The following GPAM variants were observed in gnomAD, a reference collection of about 807,000 sequenced individuals.
GPAM encodes the protein glycerol-3-phosphate acyltransferase, mitochondrial, also known as glycerol-3-phosphate acyltransferase 1, mitochondrial.
GPAM carries 56 observed loss-of-function variants against 105.0 expected under a neutral mutation model. The ratio of observed to expected loss-of-function variants is 0.53; its 90% CI spans 0.43 to 0.67. GPAM has a LOEUF of 0.67. Ranked by LOEUF, GPAM falls within the 30% of genes least tolerant of loss-of-function variation. The pLI is 0.00. For missense variants in GPAM, 855 were observed against 989.8 expected (o/e 0.86, Z 1.83); for synonymous variants, 368 against 354.4 (o/e 1.04, Z -0.43).
rs1846930056 is a variant in GPAM at position 112,152,093 on chromosome 10, G to A, written c.*1457C>T. 3.1e-6 allele frequency: 3 copies of A among 982,480 alleles called. No homozygotes were observed. Among genetic ancestry groups the A allele is most frequent in the Non-Finnish European group, 3.6e-6 (3 of 827,338 alleles). The allele number at this position is 982,480 out of a possible 1,614,324, so 60.9% of individuals were successfully genotyped here. A position where few individuals can be genotyped will look rare whatever the true frequency, so the allele number is the denominator to read the frequency against. ...ACACATTACTCATGAGATACTATCA[G>A]TGTTTAAAATCCAAGCTTATGGAAG... On this transcript the variant is annotated 3_prime_UTR_variant, in exon 22 of 22. Coordinates refer to ENST00000348367, the MANE Select transcript of GPAM (RefSeq NM_001244949.2).
At chr10:112,160,359 C>T (rs1589580665) in intron 16 of GPAM, 1 of 975,650 alleles carries the variant, frequency 1.0e-6, no homozygotes, top group Non-Finnish European at 1.2e-6. Flanking sequence ...TTTTCAGCTC[C>T]TGGATAGCAA....
intron 20 of GPAM, 95 bp from the exon 21 acceptor site, chr10:112,154,782 G>A: frequency 7.2e-6 from 7 of 978,578 alleles, no homozygotes; most frequent in Non-Finnish European, 1.1e-5. Flanking sequence ...GAGCTAGGAA[G>A]AGAATGAGGG....
Position 112,157,371 on chromosome 10 carries a change from TATCTTCCTGG to T in GPAM, c.1989_1998del (p.Asp663GlufsTer41). On this transcript the variant is annotated frameshift_variant, in exon 19 of 22. Coordinates refer to ENST00000348367, the MANE Select transcript of GPAM (RefSeq NM_001244949.2). LOFTEE classifies it high-confidence loss of function. The stretch of plus-strand genomic sequence containing the variant: ...TGCTGCTCAGCAAGACTAGGACTGA[TATCTTCCTGG>T]TCATCGTGCTAGGCCAAGGAGATGA... 1 of 1,613,870 alleles carries T rather than the reference TATCTTCCTGG, an allele frequency of 6.2e-7. No individual in the cohort carries two copies. The highest frequency in any genetic ancestry group is 8.5e-7 in the Non-Finnish European group (1 of 1,179,722).
intron 1 of GPAM, among the ~76,000 whole-genome samples, chr10:112,199,048 G>A (rs553873773): frequency 3.0e-4 from 46 of 151,464 alleles, no homozygotes; most frequent in South Asian, 2.1e-3. Flanking sequence ...TCAGCCTCCC[G>A]AGTAGCTGGG....
chr10:112,223,486 C>CCTAGTGGAATGA, the GPAM span, among the ~76,000 whole-genome samples: 1 of 152,192 alleles, frequency 6.6e-6, no homozygotes, highest in Non-Finnish European at 1.5e-5. Context: ...ATTTTGAAGT[C>CCTAGTGGAATGA]ACATGTTGCA....
upstream of GPAM, among the ~76,000 whole-genome samples, chr10:112,185,860 GAAAGTA>G (rs1200256280): frequency 6.6e-6 from 1 of 151,830 alleles, no homozygotes; most frequent in Non-Finnish European, 1.5e-5. Flanking sequence ...GAAAAATACT[GAAAGTA>G]AAAGTAGAGT....
At chr10:112,220,720 C>T in the GPAM span, among the ~76,000 whole-genome samples, 12 of 151,964 alleles carry the variant, frequency 7.9e-5, no homozygotes, top group Non-Finnish European at 1.3e-4. Context: ...GTTCTTTCAT[C>T]CCAGAGAAGA....
At chr10:112,168,782 A>G in intron 10 of GPAM, 71 bp downstream of exon 10, 2 of 999,606 alleles carry the variant, frequency 2.0e-6, no homozygotes, top group South Asian at 2.6e-5. Flanking sequence ...TCTCAACTCA[A>G]AAGAGTCATT....
chr10:112,177,906 CAGCTT>C lies in GPAM; in HGVS notation c.299+73_299+77del, dbSNP rs557139330. ...TCACTCTCAGTAATGCAAAGCAATT[CAGCTT>C]AAAGTGTGTTAACTGATTATTATGA... On this transcript the variant is annotated intron_variant, in intron 5 of 21. Transcript: ENST00000348367. 2.1e-3 allele frequency: 1,609 copies of C among 772,940 alleles called. 3 individuals are homozygous for C. The highest frequency in any genetic ancestry group is 3.1e-3 in the Non-Finnish European group (1,349 of 432,366). 47.9% of individuals were successfully genotyped at this position (772,940 alleles called of 1,614,324 possible).
intron 1 of GPAM, among the ~76,000 whole-genome samples, chr10:112,200,240 TATATAGAGAG>T (rs1444581884): frequency 7.7e-6 from 1 of 129,384 alleles, no homozygotes; most frequent in Non-Finnish European, 1.6e-5. Flanking sequence ...TATATATATA[TATATAGAGAG>T]AGAGAGAGAG....
At chr10:112,216,495 G>T (rs573361130), upstream of GPAM, among the ~76,000 whole-genome samples, 14 of 152,186 alleles carry the variant, frequency 9.2e-5, no homozygotes, top group Admixed American at 1.3e-4. Flanking sequence ...GACAGGAAGC[G>T]GATCCAAGTC....
rs1280965822 is a variant in GPAM at position 112,161,752 on chromosome 10, C to G, written c.1424-15G>C. 6.2e-6 allele frequency: 10 copies of G among 1,612,254 alleles called. No homozygotes were observed. The highest frequency in any genetic ancestry group is 8.5e-6 in the Non-Finnish European group (10 of 1,178,446). ...CTTGCTAGCAGCTGGAAGGCAAACA[C>G]AAAGCTTTTTTTAGTTGCACTTTTT... is the stretch of plus-strand genomic sequence containing the variant. On this transcript the variant is annotated splice_polypyrimidine_tract_variant and intron_variant, in intron 14 of 21. Coordinates refer to ENST00000348367, the MANE Select transcript of GPAM (RefSeq NM_001244949.2).
intron 20 of GPAM, chr10:112,155,505 C>T: frequency 3.9e-6 from 1 of 256,804 alleles, no homozygotes; most frequent in Non-Finnish European, 7.5e-6. Flanking sequence ...CAAATATGCT[C>T]ATAGCAACAC....
chr10:112,184,558 T>G (rs1847568238), upstream of GPAM, among the ~76,000 whole-genome samples: 1 of 152,234 alleles, frequency 6.6e-6, no homozygotes, highest in Non-Finnish European at 1.5e-5. Flanking sequence ...GCAACAGGAC[T>G]GAATTTACTC....
intron 18 of GPAM, among the ~76,000 whole-genome samples, chr10:112,157,992 T>C (rs1847047420): frequency 6.6e-6 from 1 of 152,138 alleles, no homozygotes; most frequent in Non-Finnish European, 1.5e-5. Flanking sequence ...CAGGCTGGAG[T>C]GCACTGACAT....
At chr10:112,198,954 T>C (rs1183161803) in intron 1 of GPAM, among the ~76,000 whole-genome samples, 1 of 151,952 alleles carries the variant, frequency 6.6e-6, no homozygotes, top group Admixed American at 6.6e-5. Flanking sequence ...GACGGAGTCT[T>C]GCTCTGTCGC....
intron 12 of GPAM, among the ~76,000 whole-genome samples, chr10:112,165,468 T>G (rs892516058): frequency 1.3e-5 from 2 of 152,134 alleles, no homozygotes; most frequent in Non-Finnish European, 2.9e-5. Flanking sequence ...GGCGGGCAGA[T>G]CACCTGAGGT....
At chr10:112,177,885 T>A in intron 5 of GPAM, 99 bp downstream of exon 5, 1 of 702,232 alleles carries the variant, frequency 1.4e-6, no homozygotes, top group Non-Finnish European at 2.6e-6. Flanking sequence ...TTCTATTCAC[T>A]CTCAGTAATG....
chr10:112,158,008 TG>T (rs1378592650), intron 18 of GPAM, among the ~76,000 whole-genome samples: 3 of 152,228 alleles, frequency 2.0e-5, no homozygotes, highest in Non-Finnish European at 4.4e-5. Flanking sequence ...GACATGATCT[TG>T]GCTCACTGAA....
Sources: allele counts gnomAD v4.1 joint callset (sites outside exome capture counted in the v4.1 genomes callset), GRCh38; gene constraint gnomAD v4.1.1; transcripts MANE v1.5; gene names NCBI Gene and HGNC (gene_info 2026-07-23, HGNC 2026-07-21).